SGMS1: variants seen among roughly 807,000 people sequenced by gnomAD.
SGMS1 encodes phosphatidylcholine:ceramide cholinephosphotransferase 1.
In SGMS1, 13 loss-of-function variants were observed where a neutral mutation model predicts 46.2. That is an observed-to-expected ratio of 0.28 (90% CI 0.18 to 0.45). The LOEUF (loss-of-function observed/expected upper bound fraction) is 0.45, where lower values mean the gene tolerates loss of function less well. Among genes scored for constraint, SGMS1 ranks in the 20% least tolerant of loss-of-function variants. The pLI, the probability that SGMS1 is intolerant of heterozygous loss-of-function variation, is 1.00. For missense variants in SGMS1, 324 were observed against 519.9 expected, an observed-to-expected ratio of 0.62 and a Z score of 3.66; for synonymous variants, 203 against 187.8, an observed-to-expected ratio of 1.08 and a Z score of -0.66.
intron 6 of SGMS1, among the ~76,000 whole-genome samples, chr10:50,346,207 C>T (rs1168632602): frequency 6.6e-6 from 1 of 152,172 alleles, no homozygotes; most frequent in East Asian, 1.9e-4. Flanking sequence ...CGATATTTAA[C>T]TAAGAAATCA....
intron 2 of SGMS1, among the ~76,000 whole-genome samples, chr10:50,530,770 C>T (rs1837946059): frequency 6.6e-6 from 1 of 152,080 alleles, no homozygotes; most frequent in Non-Finnish European, 1.5e-5. Flanking sequence ...CAGGCATGAA[C>T]CACTGCGTCC....
chr10:50,534,787 G>A (rs1391405725), intron 2 of SGMS1, among the ~76,000 whole-genome samples: 5 of 152,168 alleles, frequency 3.3e-5, no homozygotes, highest in Admixed American at 3.3e-4. Flanking sequence ...CATAGAAAAA[G>A]AATAGGCAAA....
At chr10:50,587,224 T>C (rs1464305451) in intron 2 of SGMS1, among the ~76,000 whole-genome samples, 1 of 128,358 alleles carries the variant, frequency 7.8e-6, no homozygotes, top group African/African-American at 2.6e-5. Flanking sequence ...ATAAACACAT[T>C]GGAAAATTTT....
At chr10:50,363,393 T>C (rs577021684) in intron 6 of SGMS1, among the ~76,000 whole-genome samples, 1 of 152,222 alleles carries the variant, frequency 6.6e-6, no homozygotes, top group Admixed American at 6.5e-5. Flanking sequence ...GCCTTAAAAG[T>C]ATGAGGAATT....
In SGMS1 at chr10:50,324,886, C is replaced by T. The variant is rs187972798; in HGVS notation, c.741+2319G>A. Among the ~76,000 whole-genome samples the T allele has an allele frequency of 3.4e-3, 514 of 152,242 alleles. 5 individuals carry two copies. Among genetic ancestry groups the T allele is most frequent in the Admixed American group, 4.5e-3 (69 of 15,300 alleles). ...GAGGGGTGAAAGGAAGAAAGGACTG[C>T]TTTAGAATTATAGACTTAAAAGACA... is the stretch of plus-strand genomic sequence containing the variant. On this transcript the variant is annotated intron_variant, in intron 8 of 10. Coordinates refer to ENST00000361781, the MANE Select transcript of SGMS1 (RefSeq NM_147156.4).
chr10:50,352,146 C>T (rs557948440), intron 6 of SGMS1, among the ~76,000 whole-genome samples: 1 of 152,114 alleles, frequency 6.6e-6, no homozygotes, highest in South Asian at 2.1e-4. Context: ...TGAAATTGTG[C>T]AAAAGAGGGA....
rs182555997 is a variant in SGMS1 at position 50,619,801 on chromosome 10, A to G, written c.-684+3906T>C. Reference sequence around the variant, plus strand: ...TGAGAGTGGAGGGGAATCTTTCTCAATACAAGCTTGGGGTGATTTCAGGCC... The same window carrying G: ...TGAGAGTGGAGGGGAATCTTTCTCAGTACAAGCTTGGGGTGATTTCAGGCC... On this transcript the variant is annotated intron_variant, in intron 1 of 10. Coordinates refer to ENST00000361781, the MANE Select transcript of SGMS1 (RefSeq NM_147156.4). Among the ~76,000 whole-genome samples, 34 of 152,304 alleles carry G rather than the reference A, an allele frequency of 2.2e-4. No individual in the cohort carries two copies. In the East Asian group the frequency reaches 5.4e-3, roughly 24 times the overall value.
chr10:50,611,809 T>TC (rs1838752525), intron 1 of SGMS1, among the ~76,000 whole-genome samples: 1 of 151,918 alleles, frequency 6.6e-6, no homozygotes, highest in Non-Finnish European at 1.5e-5. Flanking sequence ...CCCTTCCCTC[T>TC]CCCCTCCTGG....
chr10:50,593,520 C>CGT lies in SGMS1; in HGVS notation c.-683-3275_-683-3274dup, dbSNP rs781478819. ...AATTTTTTTTTCTTTTTTTGGAAGC[C>CGT]GTGTGTGTGTGTCTTTCCTGATTGC... On this transcript the variant is annotated intron_variant, in intron 1 of 10. Transcript: ENST00000361781. Among the ~76,000 whole-genome samples the CGT allele has an allele frequency of 4.6e-5, 7 of 151,378 alleles. No individual in the cohort carries two copies. The East Asian group carries it at 9.6e-4, about 21-fold the overall frequency.
At chr10:50,358,771 A>G (rs1340447116) in intron 6 of SGMS1, among the ~76,000 whole-genome samples, 2 of 152,238 alleles carry the variant, frequency 1.3e-5, no homozygotes, top group African/African-American at 4.8e-5. Context: ...ATAGGTGTTC[A>G]ATTATTCTCT....
At chr10:50,312,362 C>T (rs1847269888) in intron 8 of SGMS1, among the ~76,000 whole-genome samples, 1 of 146,868 alleles carries the variant, frequency 6.8e-6, no homozygotes, top group African/African-American at 2.5e-5. Flanking sequence ...AAAAGAATGG[C>T]AGATGGAGCA....
intron 3 of SGMS1, among the ~76,000 whole-genome samples, chr10:50,507,582 C>T (rs895619929): frequency 6.6e-6 from 1 of 152,216 alleles, no homozygotes; most frequent in Non-Finnish European, 1.5e-5. Flanking sequence ...TTCACCTGTG[C>T]ACCCTGAACA....
chr10:50,538,749 A>G (rs920274864), intron 2 of SGMS1, among the ~76,000 whole-genome samples: 2 of 152,178 alleles, frequency 1.3e-5, no homozygotes, highest in African/African-American at 4.8e-5. Flanking sequence ...ACAGAAAACA[A>G]TACTGATCTG....
chr10:50,523,892 C>T (rs2133792754), intron 2 of SGMS1, among the ~76,000 whole-genome samples: 1 of 152,360 alleles, frequency 6.6e-6, no homozygotes, highest in South Asian at 2.1e-4. Context: ...GTGCTCAAGG[C>T]ACACGTGTGC....
intron 3 of SGMS1, among the ~76,000 whole-genome samples, chr10:50,490,081 G>C (rs1837555188): frequency 6.6e-6 from 1 of 152,224 alleles, no homozygotes; most frequent in African/African-American, 2.4e-5. Context: ...TCAGAGATAT[G>C]ACTTAAGTCC....
At chr10:50,489,709 C>T (rs1764395933) in intron 3 of SGMS1, among the ~76,000 whole-genome samples, 1 of 152,208 alleles carries the variant, frequency 6.6e-6, no homozygotes, top group Non-Finnish European at 1.5e-5. Context: ...GGCACGGTGG[C>T]TCACGCCTGT....
chr10:50,515,564 C>T lies in SGMS1; in HGVS notation c.-498+4267G>A, dbSNP rs529974914. Among the ~76,000 whole-genome samples the T allele has an allele frequency of 8.5e-5, 13 of 152,340 alleles. No individual in the cohort carries two copies. The South Asian group carries it at 2.7e-3, about 32-fold the overall frequency. On this transcript the variant is annotated intron_variant, in intron 3 of 10. Transcript: ENST00000361781. Reference sequence around the variant, plus strand: ...AGCAGTGGCAATGAGATGTCTTTCCCTTTGCCTGAGCAGTGTGCCATAGAG... The same window carrying T: ...AGCAGTGGCAATGAGATGTCTTTCCTTTTGCCTGAGCAGTGTGCCATAGAG...
At chr10:50,397,792 T>G (rs1255650393) in intron 6 of SGMS1, among the ~76,000 whole-genome samples, 1 of 152,228 alleles carries the variant, frequency 6.6e-6, no homozygotes, top group African/African-American at 2.4e-5. Flanking sequence ...ATCTGTTATT[T>G]CTTCTAAAGA....
intron 5 of SGMS1, among the ~76,000 whole-genome samples, chr10:50,447,437 T>C (rs11005730): frequency 6.6e-6 from 1 of 152,042 alleles, no homozygotes; most frequent in Non-Finnish European, 1.5e-5. Flanking sequence ...GTATCATTTC[T>C]TTCCTCTTTA....
Sources: allele counts gnomAD v4.1 joint callset (sites outside exome capture counted in the v4.1 genomes callset), GRCh38; gene constraint gnomAD v4.1.1; transcripts MANE v1.5; gene names NCBI Gene and HGNC (gene_info 2026-07-23, HGNC 2026-07-21).